The following SKAP2 variants were observed in gnomAD, a reference collection of about 807,000 sequenced individuals.
The protein encoded by SKAP2 is src kinase-associated phosphoprotein 2.
A neutral mutation model predicts 54.9 loss-of-function variants in SKAP2; 28 were observed. That is an observed-to-expected ratio of 0.51 (90% confidence interval 0.38 to 0.70). SKAP2 has a LOEUF of 0.70. Ranked by LOEUF, SKAP2 falls within the 30% of genes least tolerant of loss-of-function variation. SKAP2 has a pLI of 0.00. For synonymous variants in SKAP2, 137 were observed against 134.3 expected, an observed-to-expected ratio of 1.02 and a Z score of -0.14; for missense variants, 356 against 424.1, an observed-to-expected ratio of 0.84 and a Z score of 1.41.
At chr7:26,719,829 T>C (rs189138624) in intron 9 of SKAP2, among the ~76,000 whole-genome samples, 30 of 152,296 alleles carry the variant, frequency 2.0e-4, no homozygotes, top group South Asian at 2.1e-4. Context: ...TCCATAAAAA[T>C]GAATTAACTC....
chr7:26,749,284 T>A (rs1353276192), intron 4 of SKAP2, among the ~76,000 whole-genome samples: 1 of 152,142 alleles, frequency 6.6e-6, no homozygotes, highest in Non-Finnish European at 1.5e-5. Flanking sequence ...AAAAGGAACG[T>A]TCTTAACTCA....
chr7:26,767,536 C>A (rs2195901), intron 4 of SKAP2, among the ~76,000 whole-genome samples: 57,807 of 151,856 alleles, frequency 0.38, 11,554 homozygotes, highest in Middle Eastern at 0.48. Flanking sequence ...TTCTCTAGTT[C>A]TTTTAAATGT....
At chr7:26,857,309 TTA>T (rs1785185246) in intron 1 of SKAP2, 1 of 55,952 alleles carries the variant, frequency 1.8e-5, no homozygotes, top group Non-Finnish European at 2.2e-5. Flanking sequence ...ACTGCTTTGC[TTA>T]AAAAAAAAAA....
chr7:26,681,224 C>G (rs1299200913), intron 11 of SKAP2, among the ~76,000 whole-genome samples: 2 of 152,128 alleles, frequency 1.3e-5, no homozygotes, highest in African/African-American at 4.8e-5. Context: ...CCGAGGCGGG[C>G]AGATCACCTG....
At chr7:26,661,069 T>A in the SKAP2 span, among the ~76,000 whole-genome samples, 1 of 152,110 alleles carries the variant, frequency 6.6e-6, no homozygotes, top group Non-Finnish European at 1.5e-5. Context: ...AATGAATTTT[T>A]AAAAAATCAG....
chr7:26,702,547 T>C (rs1355244266), intron 9 of SKAP2, among the ~76,000 whole-genome samples: 1 of 152,192 alleles, frequency 6.6e-6, no homozygotes, highest in Non-Finnish European at 1.5e-5. Context: ...TCAGTTCTTC[T>C]TGTTTGAAGA....
intron 4 of SKAP2, among the ~76,000 whole-genome samples, chr7:26,745,946 T>C (rs1782551778): frequency 6.6e-6 from 1 of 152,166 alleles, no homozygotes; most frequent in Non-Finnish European, 1.5e-5. Flanking sequence ...TATCCACTAG[T>C]GGTTATTTTA....
chr7:26,821,027 G>A (rs191640136), intron 4 of SKAP2, among the ~76,000 whole-genome samples: 13 of 152,064 alleles, frequency 8.5e-5, no homozygotes, highest in African/African-American at 3.1e-4. Flanking sequence ...TGTCAAACCA[G>A]GATTAAACCC....
chr7:26,792,690 G>C (rs1783695638), intron 4 of SKAP2, among the ~76,000 whole-genome samples: 1 of 152,168 alleles, frequency 6.6e-6, no homozygotes, highest in African/African-American at 2.4e-5. Flanking sequence ...AAATAAGAGT[G>C]AGTGAGCTGT....
chr7:26,707,793 G>C (rs1169522048), intron 9 of SKAP2, among the ~76,000 whole-genome samples: 1 of 152,118 alleles, frequency 6.6e-6, no homozygotes, highest in Non-Finnish European at 1.5e-5. Flanking sequence ...GGAGGTCATG[G>C]GGCTTCCTGT....
downstream of SKAP2, among the ~76,000 whole-genome samples, chr7:26,664,436 G>A (rs79858809): frequency 0.017 from 2,569 of 152,204 alleles, 38 homozygotes; most frequent in Non-Finnish European, 0.027. Context: ...GCTGGGAGGG[G>A]AGGGTAGTAG....
In SKAP2 at chr7:26,699,285, A is replaced by C. The variant is rs1167745493; in HGVS notation, c.797-8923T>G. ...TCTGTATGAGGTGGATTTTCTTTAT[A>C]AGTTAACTGTACTTAAACAATATAT... On this transcript the variant is annotated intron_variant, in intron 9 of 12. Transcript: ENST00000345317. Among the ~76,000 whole-genome samples the C allele has an allele frequency of 3.3e-5, 5 of 152,296 alleles. No individual in the cohort carries two copies. The South Asian group carries it at 6.2e-4, about 19-fold the overall frequency.
rs148238098 is a variant in SKAP2, at chr7:26,802,404, T to C, written c.307+41626A>G. The stretch of plus-strand genomic sequence containing the variant: ...CTCCTGCCTCAGCCTCCCAAGTAGC[T>C]AGGGCTACAGACATGCACCACCATG... On this transcript the variant is annotated intron_variant, in intron 4 of 12. Coordinates refer to ENST00000345317, the MANE Select transcript of SKAP2 (RefSeq NM_003930.5). Among the ~76,000 whole-genome samples the C allele has an allele frequency of 2.4e-3, 368 of 151,656 alleles. 2 individuals are homozygous for C. The highest frequency in any genetic ancestry group is 8.1e-3 in the African/African-American group (334 of 41,402).
At chr7:26,684,613 T>A (rs139440542) in intron 11 of SKAP2, 123 bp downstream of exon 11, 3 of 613,306 alleles carry the variant, frequency 4.9e-6, no homozygotes, top group South Asian at 2.1e-5. Context: ...GAACTCCCAA[T>A]TGTTAACAAG....
chr7:26,679,645 C>T (rs1008396649), intron 11 of SKAP2, among the ~76,000 whole-genome samples: 1 of 152,294 alleles, frequency 6.6e-6, no homozygotes, highest in South Asian at 2.1e-4. Flanking sequence ...CAGTTGGCCA[C>T]GCTATTTGTG....
At chr7:26,722,374 T>C (rs1351827497) in intron 9 of SKAP2, among the ~76,000 whole-genome samples, 5 of 149,336 alleles carry the variant, frequency 3.3e-5, no homozygotes, top group Non-Finnish European at 5.9e-5. Context: ...CAAGGGATAT[T>C]ATGCAATGCA....
intron 11 of SKAP2, among the ~76,000 whole-genome samples, chr7:26,684,181 T>C (rs1360821965): frequency 1.3e-5 from 2 of 152,140 alleles, no homozygotes; most frequent in South Asian, 2.1e-4. Flanking sequence ...TATATGAAGA[T>C]GGGTTTATAG....
intron 11 of SKAP2, among the ~76,000 whole-genome samples, chr7:26,678,409 T>A (rs1213958923): frequency 6.6e-6 from 1 of 151,944 alleles, no homozygotes; most frequent in Non-Finnish European, 1.5e-5. Flanking sequence ...ATTTGAGGAA[T>A]ATAACATTTT....
intron 9 of SKAP2, among the ~76,000 whole-genome samples, chr7:26,722,093 A>G (rs1584351703): frequency 6.6e-6 from 1 of 152,362 alleles, no homozygotes; most frequent in East Asian, 1.9e-4. Flanking sequence ...AATAAGACAT[A>G]AAAGATGTAA....
Sources: allele counts gnomAD v4.1 joint callset (sites outside exome capture counted in the v4.1 genomes callset), GRCh38; gene constraint gnomAD v4.1.1; transcripts MANE v1.5; gene names NCBI Gene and HGNC (gene_info 2026-07-23, HGNC 2026-07-21).